CDH22: variants seen among roughly 807,000 people sequenced by gnomAD.
The protein encoded by CDH22 is cadherin-22.
In CDH22, 30 loss-of-function variants were observed where a neutral mutation model predicts 58.4. The ratio of observed to expected loss-of-function variants is 0.51; its 90% CI spans 0.38 to 0.70. The LOEUF (loss-of-function observed/expected upper bound fraction) is 0.70, where lower values mean the gene tolerates loss of function less well. Ranked by LOEUF, CDH22 falls within the 30% of genes least tolerant of loss-of-function variation. CDH22 has a pLI of 0.00. For synonymous variants in CDH22, 513 were observed against 558.2 expected (o/e 0.92, Z 1.14); for missense variants, 1,014 against 1,233.9 (o/e 0.82, Z 2.67).
At chr20:46,305,197 C>T (rs1360664582) in intron 1 of CDH22, among the ~76,000 whole-genome samples, 5 of 152,330 alleles carry the variant, frequency 3.3e-5, no homozygotes, top group Admixed American at 2.0e-4. Flanking sequence ...CCTCCATGGG[C>T]GGAAAGACAG....
intron 8 of CDH22, among the ~76,000 whole-genome samples, chr20:46,195,226 C>T (rs2085890362): frequency 6.6e-6 from 1 of 152,200 alleles, no homozygotes; most frequent in African/African-American, 2.4e-5. Flanking sequence ...GGCATGCAAG[C>T]CCATTCATTC....
intron 1 of CDH22, among the ~76,000 whole-genome samples, chr20:46,275,184 G>T (rs576129986): frequency 1.3e-5 from 2 of 152,278 alleles, no homozygotes; most frequent in East Asian, 3.9e-4. Flanking sequence ...ATCCGCCCCT[G>T]TGGCCCCTCT....
intron 1 of CDH22, among the ~76,000 whole-genome samples, chr20:46,271,423 A>T (rs2086488216): frequency 6.6e-6 from 1 of 152,192 alleles, no homozygotes; most frequent in Admixed American, 6.5e-5. Flanking sequence ...AACGTGCTCA[A>T]GTAGATTCCA....
intron 3 of CDH22, among the ~76,000 whole-genome samples, chr20:46,235,804 C>T (rs953409693): frequency 3.9e-5 from 6 of 152,176 alleles, no homozygotes; most frequent in South Asian, 2.1e-4. Context: ...GCAATTGCTT[C>T]CTCATTGGCC....
chr20:46,188,988 G>C (rs1266181790), intron 8 of CDH22, among the ~76,000 whole-genome samples: 1 of 152,138 alleles, frequency 6.6e-6, no homozygotes, highest in African/African-American at 2.4e-5. Context: ...GTTTCACGGG[G>C]AGTGGGACTG....
intron 7 of CDH22, among the ~76,000 whole-genome samples, chr20:46,199,786 G>C (rs1392798126): frequency 6.6e-6 from 1 of 152,196 alleles, no homozygotes; most frequent in Non-Finnish European, 1.5e-5. Flanking sequence ...CTGAGCCTCA[G>C]TTTCCTCAGT....
chr20:46,198,833 C>T (rs1328212668), intron 8 of CDH22, among the ~76,000 whole-genome samples: 2 of 152,160 alleles, frequency 1.3e-5, no homozygotes, highest in Non-Finnish European at 1.5e-5. Flanking sequence ...CAGATGTCAG[C>T]ATGACTCCCT....
chr20:46,195,264 T>C (rs2085890545), intron 8 of CDH22, among the ~76,000 whole-genome samples: 1 of 152,206 alleles, frequency 6.6e-6, no homozygotes, highest in African/African-American at 2.4e-5. Context: ...ACATGCCTAC[T>C]GTGTGCCTGG....
At chr20:46,195,613 G>GCC (rs2085893830) in intron 8 of CDH22, among the ~76,000 whole-genome samples, 1 of 136,514 alleles carries the variant, frequency 7.3e-6, no homozygotes, top group African/African-American at 2.9e-5. Flanking sequence ...GTCTCCCCTA[G>GCC]ACCCCCCCCC....
chr20:46,289,165 T>A (rs2086589218), intron 1 of CDH22, among the ~76,000 whole-genome samples: 1 of 152,198 alleles, frequency 6.6e-6, no homozygotes, highest in African/African-American at 2.4e-5. Context: ...TCCTCTTGCC[T>A]GGAACACCCT....
chr20:46,259,840 C>T (rs2086424121), intron 1 of CDH22, among the ~76,000 whole-genome samples: 1 of 151,718 alleles, frequency 6.6e-6, no homozygotes, highest in South Asian at 2.1e-4. Context: ...TGATGGTTGG[C>T]ACCAAAGTTA....
At chr20:46,236,340 G>C (rs982862136) in intron 3 of CDH22, among the ~76,000 whole-genome samples, 1 of 151,342 alleles carries the variant, frequency 6.6e-6, no homozygotes, top group Non-Finnish European at 1.5e-5. Flanking sequence ...CCTTCCTTCA[G>C]ATCTTTATTC....
In CDH22 at chr20:46,224,306, A is replaced by T. The variant is rs145009064; in HGVS notation, c.670+3202T>A. ...GCAGAGCCTTAGATTTGCCTACTGAAGCATTCCTAGTGCCTAGCACAGAGC... is the reference window on the plus strand; with the variant it reads ...GCAGAGCCTTAGATTTGCCTACTGATGCATTCCTAGTGCCTAGCACAGAGC... On this transcript the variant is annotated intron_variant, in intron 4 of 11. Transcript: ENST00000537909. 1.2e-3 allele frequency among the ~76,000 whole-genome samples: 178 copies of T among 152,328 alleles called. 3 individuals are homozygous for T. Among genetic ancestry groups the T allele is most frequent in the African/African-American group, 4.2e-3 (173 of 41,572 alleles).
chr20:46,224,080 T>C (rs2086153648), intron 4 of CDH22, among the ~76,000 whole-genome samples: 1 of 152,200 alleles, frequency 6.6e-6, no homozygotes, highest in Non-Finnish European at 1.5e-5. Context: ...GTCAAACTCC[T>C]GGCCTCAAGT....
rs1491111907 is a variant in CDH22 at position 46,181,795 on chromosome 20, T to TTTC, written c.1664-3599_1664-3598insGAA. On this transcript the variant is annotated intron_variant, in intron 10 of 11. Coordinates refer to ENST00000537909, the MANE Select transcript of CDH22 (RefSeq NM_021248.3). ...TCTTTCTTTCTTTCTTTCTTTCTTTTCTCTCTCTTTCTCTTTCCTTTCTTT... is the reference window on the plus strand; with the variant it reads ...TCTTTCTTTCTTTCTTTCTTTCTTTTTTCCTCTCTCTTTCTCTTTCCTTTCTTT... Among the ~76,000 whole-genome samples the TTTC allele has an allele frequency of 5.5e-3, 251 of 45,528 alleles. 11 individuals are homozygous for TTTC. Among genetic ancestry groups the TTTC allele is most frequent in the African/African-American group, 6.3e-3 (87 of 13,756 alleles). 29.9% of individuals were successfully genotyped at this position (45,528 alleles called of 152,430 possible). A position where few individuals can be genotyped will look rare whatever the true frequency, so the allele number is the denominator to read the frequency against.
At chr20:46,208,075 C>A (rs933936286) in intron 7 of CDH22, among the ~76,000 whole-genome samples, 1 of 152,236 alleles carries the variant, frequency 6.6e-6, no homozygotes, top group Non-Finnish European at 1.5e-5. Flanking sequence ...TTCCCTCCCC[C>A]TCTCCTCAAT....
intron 10 of CDH22, among the ~76,000 whole-genome samples, chr20:46,181,213 C>T (rs187993290): frequency 7.4e-4 from 112 of 152,204 alleles, no homozygotes; most frequent in African/African-American, 2.3e-3. Context: ...CAATGCTAAT[C>T]AAATAAACCC....
chr20:46,264,072 A>T (rs969563011), intron 1 of CDH22, among the ~76,000 whole-genome samples: 1 of 152,202 alleles, frequency 6.6e-6, no homozygotes, highest in African/African-American at 2.4e-5. Flanking sequence ...AGGGAGAGAC[A>T]TCAAGAGTGA....
intron 10 of CDH22, among the ~76,000 whole-genome samples, chr20:46,179,373 C>T (rs1038708961): frequency 6.6e-6 from 1 of 152,200 alleles, no homozygotes; most frequent in Non-Finnish European, 1.5e-5. Context: ...TTCGTGGCCC[C>T]AGTTAACCCA....
Sources: gnomAD v4.1 joint callset for allele counts (sites outside exome capture counted in the v4.1 genomes callset) on GRCh38, gnomAD v4.1.1 for gene constraint, MANE v1.5 for transcripts, NCBI Gene and HGNC (gene_info 2026-07-23, HGNC 2026-07-21) for gene names.